The following USP4 variants were observed in gnomAD, a reference collection of about 807,000 sequenced individuals.
The protein encoded by USP4 is ubiquitin specific peptidase 4.
USP4 carries 72 observed loss-of-function variants against 118.2 expected under a neutral mutation model. The ratio of observed to expected loss-of-function variants is 0.61; its 90% CI spans 0.50 to 0.74. The LOEUF (loss-of-function observed/expected upper bound fraction) is 0.74. USP4 is among the 30% of genes least tolerant of loss of function. The probability of loss-of-function intolerance (pLI) is 0.00; values close to 1 mark genes in which losing one functional copy is unlikely to be tolerated. For missense variants in USP4, 1,037 were observed against 1,185.7 expected (o/e 0.87, Z 1.84); for synonymous variants, 415 against 440.4 (o/e 0.94, Z 0.72).
intron 7 of USP4, 116 bp from the exon 8 acceptor site, chr3:49,310,853 G>C: frequency 1.3e-6 from 1 of 760,144 alleles, no homozygotes; most frequent in Non-Finnish European, 2.2e-6. Context: ...AGCCCATGAT[G>C]CAAATTCCCT....
At chr3:49,278,791 A>C in intron 21 of USP4, 23 bp downstream of exon 21, 1 of 1,539,256 alleles carries the variant, frequency 6.5e-7, no homozygotes, top group Non-Finnish European at 8.9e-7. Context: ...ATGAGGAAGA[A>C]CCACATATCA....
At chr3:49,291,551 G>A (rs1206651260) in intron 15 of USP4, among the ~76,000 whole-genome samples, 4 of 147,498 alleles carry the variant, frequency 2.7e-5, no homozygotes, top group South Asian at 2.1e-4. Flanking sequence ...TCCTGCATGG[G>A]CGACAGAGCA....
chr3:49,333,155 T>C (rs2047637466), intron 2 of USP4, among the ~76,000 whole-genome samples: 1 of 151,280 alleles, frequency 6.6e-6, no homozygotes, highest in Non-Finnish European at 1.5e-5. Flanking sequence ...TTTTTTTTTT[T>C]TTTTTTGAGA....
chr3:49,323,916 C>A (rs149698016), intron 6 of USP4, among the ~76,000 whole-genome samples: 2 of 152,276 alleles, frequency 1.3e-5, no homozygotes, highest in East Asian at 3.9e-4. Context: ...TGTAGCTGAA[C>A]AATTCACCCA....
At chr3:49,290,813 C>A (rs1166170356) in intron 15 of USP4, among the ~76,000 whole-genome samples, 2 of 152,196 alleles carry the variant, frequency 1.3e-5, no homozygotes, top group Non-Finnish European at 2.9e-5. Context: ...TCGCACCCGT[C>A]TGCAACTGAG....
chr3:49,280,717 C>G, intron 20 of USP4, 27 bp downstream of exon 20: 1 of 1,584,948 alleles, frequency 6.3e-7, no homozygotes, highest in Non-Finnish European at 8.7e-7. Context: ...TTCAACATCT[C>G]AGAAGGAAGC....
intron 2 of USP4, among the ~76,000 whole-genome samples, chr3:49,333,310 C>T (rs990858776): frequency 1.3e-5 from 2 of 151,398 alleles, no homozygotes; most frequent in Non-Finnish European, 2.9e-5. Flanking sequence ...TAAACACATA[C>T]AAAAATGAGC....
In USP4 at chr3:49,305,845, T is replaced by A; in HGVS notation, c.998A>T (p.Asp333Val). Reference protein sequence around the residue: ...TAPLTDYFLKDEYEAEINRDN... With the variant: ...TAPLTDYFLKVEYEAEINRDN... Reference sequence around the variant, plus strand: ...TCTGTTGATTTCGGCTTCATACTCATCTTTGAGAAAGTAGTCAGTCAGTGG... The same window carrying A: ...TCTGTTGATTTCGGCTTCATACTCAACTTTGAGAAAGTAGTCAGTCAGTGG... The change falls in exon 9 of 22, where the codon GAT becomes GTT. Residue 333 changes from aspartate (D) to valine (V), a missense_variant. Asp to Val is a radical substitution (Grantham distance 152, BLOSUM62 -3). This residue lies in a region of USP4 where 487 missense variants were observed against 534.1 expected (regional missense o/e 0.91). Coordinates refer to ENST00000265560, the MANE Select transcript of USP4 (RefSeq NM_003363.4). The A allele has an allele frequency of 6.2e-7, 1 of 1,614,082 alleles. No individual in the cohort carries two copies. The highest frequency in any genetic ancestry group is 8.5e-7 in the Non-Finnish European group (1 of 1,179,988).
chr3:49,328,906 G>A (rs1178364359), intron 2 of USP4, among the ~76,000 whole-genome samples: 8 of 151,608 alleles, frequency 5.3e-5, no homozygotes, highest in Admixed American at 1.3e-4. Context: ...TAGGCCAGGC[G>A]CAGTGGCTCA....
chr3:49,333,927 G>A (rs2047644604), intron 2 of USP4, among the ~76,000 whole-genome samples: 2 of 152,056 alleles, frequency 1.3e-5, no homozygotes, highest in South Asian at 2.1e-4. Context: ...GCTGAGGCAG[G>A]AGAATCACTT....
At position 49,327,752 on chromosome 3, in the gene USP4, G is replaced by A. The variant is rs778018903; in HGVS notation, c.294C>T (p.Thr98=). ...IDELDYVLVP[T]EAWNKLLNWY... is the part of the protein sequence containing the mutation. ...AGTTTAGTAGTTTATTCCACGCCTC[G>A]GTAGGGACCAATACATAGTCCAATT... The change falls in exon 3 of 22, where the codon ACC becomes ACT. Residue 98 remains threonine (T), a synonymous_variant. Coordinates refer to ENST00000265560, the MANE Select transcript of USP4 (RefSeq NM_003363.4). 1.1e-5 allele frequency: 17 copies of A among 1,613,786 alleles called. No homozygotes were observed. Among genetic ancestry groups the A allele is most frequent in the South Asian group, 2.2e-5 (2 of 91,076 alleles).
intron 9 of USP4, among the ~76,000 whole-genome samples, chr3:49,303,121 A>C (rs1256015321): frequency 6.6e-6 from 1 of 152,112 alleles, no homozygotes; most frequent in Non-Finnish European, 1.5e-5. Context: ...TGTTGTATTA[A>C]GCACTCCCAG....
chr3:49,333,733 T>C (rs2107805356), intron 2 of USP4, among the ~76,000 whole-genome samples: 1 of 152,214 alleles, frequency 6.6e-6, no homozygotes, highest in South Asian at 2.1e-4. Context: ...ACAATTACAA[T>C]AGCAACATGA....
At chr3:49,334,790 T>G (rs1306806264) in intron 2 of USP4, among the ~76,000 whole-genome samples, 2 of 152,100 alleles carry the variant, frequency 1.3e-5, no homozygotes, top group African/African-American at 4.8e-5. Context: ...GTGCTGAGAT[T>G]ACAGGCGTGA....
At chr3:49,289,039 G>A (rs2047126985) in intron 15 of USP4, among the ~76,000 whole-genome samples, 1 of 151,734 alleles carries the variant, frequency 6.6e-6, no homozygotes, top group African/African-American at 2.4e-5. Context: ...TGAACCCAGG[G>A]AACGGAGGTT....
chr3:49,286,263 C>T lies in USP4; in HGVS notation c.2035G>A (p.Gly679Ser). ...TTTCCTGGCTCATCTTCCCCACTGC[C>T]TTCTGTTTCTGAAAGCTGCTCTTTG... Reference protein sequence around the residue: ...EGKEQLSETEGSGEDEPGNDP... With the variant: ...EGKEQLSETESSGEDEPGNDP... Residue 679 changes from glycine (G) to serine (S), a missense_variant, in exon 16 of 22, where the codon GGC becomes AGC. Coordinates refer to ENST00000265560, the MANE Select transcript of USP4 (RefSeq NM_003363.4). 6.2e-7 allele frequency: 1 copy of T among 1,614,136 alleles called. No homozygotes were observed. Among genetic ancestry groups the T allele is most frequent in the Non-Finnish European group, 8.5e-7 (1 of 1,180,018 alleles).
intron 6 of USP4, chr3:49,312,597 G>A (rs1575612826): frequency 5.1e-6 from 2 of 394,320 alleles, no homozygotes; most frequent in South Asian, 1.8e-5. Flanking sequence ...TCCAGCCTGG[G>A]CAAAAAGAAC....
intron 8 of USP4, among the ~76,000 whole-genome samples, chr3:49,307,518 G>A (rs1367040668): frequency 2.0e-5 from 3 of 151,714 alleles, no homozygotes; most frequent in Non-Finnish European, 4.4e-5. Context: ...TCAAACTCCT[G>A]GGCTCAAGTG....
At chr3:49,338,493 T>C (rs2047695509) in intron 1 of USP4, among the ~76,000 whole-genome samples, 1 of 151,324 alleles carries the variant, frequency 6.6e-6, no homozygotes, top group Non-Finnish European at 1.5e-5. Flanking sequence ...ACCCCGTCTC[T>C]ACTAAAAATA....
Sources: allele counts gnomAD v4.1 joint callset (sites outside exome capture counted in the v4.1 genomes callset), GRCh38; gene constraint gnomAD v4.1.1; regional missense constraint gnomAD v4.1.1; transcripts MANE v1.5; gene names NCBI Gene and HGNC (gene_info 2026-07-23, HGNC 2026-07-21).